Variants in SLC34A1 observed in about 807,000 individuals in gnomAD.
SLC34A1 encodes solute carrier family 34 member 1, also known as sodium-dependent phosphate transport protein 2A.
Under a neutral mutation model 51.4 loss-of-function variants are expected in SLC34A1, and 57 were observed. That is an observed-to-expected ratio of 1.11 (90% CI 0.90 to 1.38). The LOEUF (loss-of-function observed/expected upper bound fraction) is 1.38, where lower values mean the gene tolerates loss of function less well. Among genes scored for constraint, SLC34A1 ranks in the 40% most tolerant of loss-of-function variants. The pLI, the probability that SLC34A1 is intolerant of heterozygous loss-of-function variation, is 0.00. For missense variants in SLC34A1, 796 were observed against 835.6 expected (o/e 0.95, Z 0.58); for synonymous variants, 368 against 358.0 (o/e 1.03, Z -0.32).
chr5:177,390,384 T>G (rs577151569), intron 8 of SLC34A1: 1 of 985,264 alleles, frequency 1.0e-6, no homozygotes, highest in African/African-American at 1.7e-5. Flanking sequence ...TTTTGAGGAC[T>G]TGCAACCTGG....
At chr5:177,397,115 T>C (rs564107955) in intron 12 of SLC34A1, 41 bp downstream of exon 12, 6 of 1,604,864 alleles carry the variant, frequency 3.7e-6, no homozygotes, top group African/African-American at 1.3e-5. Flanking sequence ...AGGATGGAGC[T>C]GCCTCTGGGG....
rs528578113 is a variant in SLC34A1 at position 177,389,945 on chromosome 5, G to C, written c.936+1573G>C. 3.6e-5 allele frequency: 50 copies of C among 1,405,284 alleles called. No individual in the cohort carries two copies. In the East Asian group the frequency reaches 1.2e-3, roughly 34 times the overall value. The allele number at this position is 1,405,284 out of a possible 1,614,324, so 87.1% of individuals were successfully genotyped here. On this transcript the variant is annotated intron_variant, in intron 8 of 12. Coordinates refer to ENST00000324417, the MANE Select transcript of SLC34A1 (RefSeq NM_003052.5). ...CTGCAGGGCAGGGTCTCATTTCCTCGGCTTGGAGAGTAGCTGGTGGGTGGG... is the reference window on the plus strand; with the variant it reads ...CTGCAGGGCAGGGTCTCATTTCCTCCGCTTGGAGAGTAGCTGGTGGGTGGG...
chr5:177,387,097 G>T (rs941944425), intron 5 of SLC34A1, among the ~76,000 whole-genome samples: 1 of 151,982 alleles, frequency 6.6e-6, no homozygotes, highest in Non-Finnish European at 1.5e-5. Flanking sequence ...CTGGCCGGGC[G>T]CAGTGGCTCA....
chr5:177,391,476 C>G (rs1028334446), intron 8 of SLC34A1, among the ~76,000 whole-genome samples: 2 of 152,246 alleles, frequency 1.3e-5, no homozygotes, highest in African/African-American at 4.8e-5. Flanking sequence ...CCCACAGAGA[C>G]CACTGGGCCC....
chr5:177,397,290 A>G, intron 12 of SLC34A1: 1 of 582,818 alleles, frequency 1.7e-6, no homozygotes, highest in Non-Finnish European at 3.0e-6. Context: ...ACACCAATAA[A>G]TAGCAGTGAG....
Position 177,397,833 on chromosome 5 carries a change from C to A in SLC34A1, c.1467C>A (p.Tyr489Ter), listed in dbSNP as rs1185100306. Residue 489 changes from tyrosine to a stop codon, truncating the protein, a stop_gained, in exon 13 of 13, where the codon TAC (tyrosine) becomes TAA (stop). Transcript: ENST00000324417. LOFTEE classifies it high-confidence loss of function. ...ACATCTCGGGTATCCTTCTGTGGTA[C>A]CCGGTGCCCTGCACACGCCTGCCCA... ...FFNISGILLW[Y>*]PVPCTRLPIR... 6.2e-7 allele frequency: 1 copy of A among 1,613,364 alleles called. No homozygotes were observed. The highest frequency in any genetic ancestry group is 8.5e-7 in the Non-Finnish European group (1 of 1,180,020).
chr5:177,389,332 A>G (rs1008095469), intron 8 of SLC34A1, among the ~76,000 whole-genome samples: 3 of 152,116 alleles, frequency 2.0e-5, no homozygotes, highest in South Asian at 2.1e-4. Context: ...ACAGCACAGC[A>G]CAGCACAGCA....
At chr5:177,390,283 T>G in intron 8 of SLC34A1, 1 of 988,450 alleles carries the variant, frequency 1.0e-6, no homozygotes. Flanking sequence ...CACTTGAGTC[T>G]CCCGGGACCC....
Position 177,395,133 on chromosome 5 carries a change from C to T in SLC34A1, c.1174+938C>T, listed in dbSNP as rs202156801. ...GCCGCAGTGAGCTATGATGGCACCA[C>T]TGCACTCCGACCTGTGCAACAGAGT... On this transcript the variant is annotated intron_variant, in intron 10 of 12. Transcript: ENST00000324417. Among the ~76,000 whole-genome samples, 17 of 152,020 alleles carry T rather than the reference C, an allele frequency of 1.1e-4. No homozygotes were observed. The East Asian group carries it at 1.4e-3, about 12-fold the overall frequency.
At chr5:177,397,695 T>TTG in intron 12 of SLC34A1, 88 bp from the exon 13 acceptor site, 1 of 1,546,312 alleles carries the variant, frequency 6.5e-7, no homozygotes, top group African/African-American at 1.4e-5. Flanking sequence ...CCAGACCAGA[T>TTG]CGGGGTTCCT....
chr5:177,387,186 C>T (rs549569218), intron 5 of SLC34A1, among the ~76,000 whole-genome samples: 20 of 150,856 alleles, frequency 1.3e-4, no homozygotes, highest in South Asian at 4.2e-4. Flanking sequence ...CTGGCTAACA[C>T]GGTGAAACCC....
intron 12 of SLC34A1, 69 bp downstream of exon 12, chr5:177,397,143 G>A: frequency 1.3e-6 from 2 of 1,572,838 alleles, no homozygotes; most frequent in Non-Finnish European, 1.7e-6. Flanking sequence ...CCTCACAAAG[G>A]TGTGACAACA....
intron 8 of SLC34A1, among the ~76,000 whole-genome samples, chr5:177,390,792 T>C (rs958840536): frequency 2.3e-4 from 35 of 152,106 alleles, no homozygotes; most frequent in African/African-American, 7.0e-4. Context: ...GACAGTCTCC[T>C]GTGAGCTTAA....
At chr5:177,387,279 C>T (rs1045554366) in intron 5 of SLC34A1, among the ~76,000 whole-genome samples, 1 of 152,082 alleles carries the variant, frequency 6.6e-6, no homozygotes, top group Non-Finnish European at 1.5e-5. Flanking sequence ...TCTGCAGTCC[C>T]AGCTACTCAG....
rs890832967 is a variant in SLC34A1 at position 177,396,718 on chromosome 5, G to T, written c.1175-15G>T. 3.1e-6 allele frequency: 5 copies of T among 1,612,148 alleles called. No homozygotes were observed. In the African/African-American group the frequency reaches 6.7e-5, roughly 22 times the overall value. ...CGCTCTGACCCCAGCCTGCTGGGAT[G>T]CGGTTTCCTTGCAGACTTCCCTGCC... is the stretch of plus-strand genomic sequence containing the variant. On this transcript the variant is annotated splice_polypyrimidine_tract_variant and intron_variant, in intron 10 of 12. Transcript: ENST00000324417. The surrounding 1 kb of genome is among the most constrained non-coding windows in gnomAD (Gnocchi z 4.0).
Position 177,386,251 on chromosome 5 carries a change from C to T in SLC34A1, c.290C>T (p.Ala97Val), listed in dbSNP as rs1452139536. ...ESRLVPKLRQAGAMLLKVPLM... is the reference protein window; with the variant it reads ...ESRLVPKLRQVGAMLLKVPLM... ...AGGCTGGTCCCCAAGCTGCGCCAGG[C>T]TGGCGCCATGCTGCTCAAGGTGCCA... Residue 97 changes from alanine to valine, a missense_variant, in exon 4 of 13, where the codon GCT (alanine) becomes GTT (valine). Ala to Val is a moderately conservative substitution (Grantham distance 64, BLOSUM62 0). Coordinates refer to ENST00000324417, the MANE Select transcript of SLC34A1 (RefSeq NM_003052.5). This position sits in a 1 kb window ranked among gnomAD's most constrained non-coding sequence, Gnocchi z 4.8. The T allele has an allele frequency of 1.3e-6, 2 of 1,544,126 alleles. No homozygotes were observed. Among genetic ancestry groups the T allele is most frequent in the Non-Finnish European group, 8.9e-7 (1 of 1,119,856 alleles).
In SLC34A1 at chr5:177,388,167, C is replaced by G; in HGVS notation, c.818C>G (p.Pro273Arg). ...APDLLKIITE[P>R]FTKLIIQLDE... The stretch of plus-strand genomic sequence containing the variant: ...GACCTGCTCAAGATCATCACAGAGC[C>G]CTTCACGAAGCTCATCATCCAGGTG... Residue 273 changes from proline (P) to arginine (R), a missense_variant, in exon 7 of 13, where the codon CCC (proline) becomes CGC (arginine). Physicochemically the swap from Pro to Arg is moderately radical, Grantham distance 103. Transcript: ENST00000324417. This position sits in a 1 kb window ranked among gnomAD's most constrained non-coding sequence, Gnocchi z 4.3. 6.2e-7 allele frequency: 1 copy of G among 1,614,118 alleles called. No homozygotes were observed.
At chr5:177,390,065 A>G in intron 8 of SLC34A1, 1 of 1,170,622 alleles carries the variant, frequency 8.5e-7, no homozygotes, top group Middle Eastern at 3.7e-4. Context: ...CAAAGTGTGA[A>G]GTGCGTCCTG....
At chr5:177,387,638 A>C in intron 5 of SLC34A1, 124 bp from the exon 6 acceptor site, 4 of 820,472 alleles carry the variant, frequency 4.9e-6, no homozygotes, top group Admixed American at 3.7e-5. Context: ...CGTTAGGCAG[A>C]CTCAGCAGCA....
Sources: gnomAD v4.1 joint callset for allele counts (sites outside exome capture counted in the v4.1 genomes callset) on GRCh38, gnomAD v4.1.1 for gene constraint, Gnocchi (gnomAD v3.1) non-coding constraint, MANE v1.5 for transcripts, NCBI Gene and HGNC (gene_info 2026-07-23, HGNC 2026-07-21) for gene names.